Variants in SNAP91 observed in about 807,000 individuals in gnomAD.
SNAP91 encodes the protein synaptosome associated protein 91, also known as clathrin coat assembly protein AP180.
In SNAP91, 27 loss-of-function variants were observed where a neutral mutation model predicts 100.3. The ratio of observed to expected loss-of-function variants is 0.27; its 90% CI spans 0.20 to 0.37. The LOEUF is 0.37. Ranked by LOEUF, SNAP91 falls within the 10% of genes least tolerant of loss-of-function variation. SNAP91 has a pLI of 1.00. For missense variants in SNAP91, 986 were observed against 1,123.7 expected, an observed-to-expected ratio of 0.88 and a Z score of 1.75; for synonymous variants, 404 against 398.6, an observed-to-expected ratio of 1.01 and a Z score of -0.16.
At chr6:83,672,926 G>A (rs1390560039) in intron 2 of SNAP91, among the ~76,000 whole-genome samples, 1 of 151,864 alleles carries the variant, frequency 6.6e-6, no homozygotes, top group Non-Finnish European at 1.5e-5. Flanking sequence ...ATTTTCCTTT[G>A]CACAAATGTC....
intron 10 of SNAP91, among the ~76,000 whole-genome samples, 171 bp downstream of exon 10, chr6:83,616,798 C>A (rs754366175): frequency 1.3e-5 from 2 of 152,080 alleles, no homozygotes; most frequent in Non-Finnish European, 2.9e-5. Context: ...ATTGTCTATA[C>A]CCACTGTCAT....
intron 17 of SNAP91, 59 bp downstream of exon 17, chr6:83,594,315 T>A: frequency 7.6e-7 from 1 of 1,312,828 alleles, no homozygotes; most frequent in Non-Finnish European, 1.1e-6. Context: ...CTCTTCTAAC[T>A]ACGGGGGTTT....
intron 8 of SNAP91, among the ~76,000 whole-genome samples, chr6:83,629,432 G>A (rs202001175): frequency 6.6e-6 from 1 of 151,988 alleles, no homozygotes; most frequent in Non-Finnish European, 1.5e-5. Flanking sequence ...TGCATTGAAT[G>A]TGTAGATTGC....
intron 1 of SNAP91, 184 bp from the exon 2 acceptor site, chr6:83,708,141 C>T (rs530804341): frequency 1.9e-6 from 1 of 518,338 alleles, no homozygotes; most frequent in South Asian, 3.0e-5. Flanking sequence ...GAGTCTTGGC[C>T]GTGAGTAGGG....
intron 11 of SNAP91, 118 bp downstream of exon 11, chr6:83,614,739 G>T: frequency 1.4e-6 from 1 of 714,318 alleles, no homozygotes; most frequent in Non-Finnish European, 2.2e-6. Context: ...ACACAGATGT[G>T]TAAAAGGGAC....
At chr6:83,632,194 G>A (rs1451067370) in intron 8 of SNAP91, among the ~76,000 whole-genome samples, 8 of 152,106 alleles carry the variant, frequency 5.3e-5, no homozygotes, top group Admixed American at 5.2e-4. Context: ...CTTCTAGCTT[G>A]TAGGGTTTCT....
chr6:83,596,773 A>T (rs568069974), intron 16 of SNAP91, among the ~76,000 whole-genome samples: 44 of 151,936 alleles, frequency 2.9e-4, no homozygotes, highest in Middle Eastern at 3.4e-3. Flanking sequence ...TTTTTTTTTT[A>T]AAAAGTCTGA....
At chr6:83,601,729 A>G in intron 14 of SNAP91, 130 bp from the exon 15 acceptor site, 1 of 801,742 alleles carries the variant, frequency 1.2e-6, no homozygotes, top group Non-Finnish European at 2.1e-6. Flanking sequence ...CTTCTACACC[A>G]TTTGCAATTA....
At chr6:83,592,855 A>C in intron 20 of SNAP91, 91 bp downstream of exon 20, 1 of 936,066 alleles carries the variant, frequency 1.1e-6, no homozygotes, top group Non-Finnish European at 1.6e-6. Flanking sequence ...AATTTAAAAG[A>C]ACTCAAGAAA....
chr6:83,588,126 A>G (rs1457770356), intron 22 of SNAP91, among the ~76,000 whole-genome samples: 2 of 152,138 alleles, frequency 1.3e-5, no homozygotes, highest in East Asian at 3.8e-4. Flanking sequence ...ACTGCATCCA[A>G]CCCCTTATAT....
intron 9 of SNAP91, among the ~76,000 whole-genome samples, chr6:83,617,312 C>T (rs2096538004): frequency 6.6e-6 from 1 of 152,022 alleles, no homozygotes; most frequent in African/African-American, 2.4e-5. Context: ...TTTACTAATA[C>T]ATTACTTATA....
At chr6:83,646,595 G>A (rs1291713445) in intron 7 of SNAP91, among the ~76,000 whole-genome samples, 2 of 152,056 alleles carry the variant, frequency 1.3e-5, no homozygotes, top group Non-Finnish European at 1.5e-5. Flanking sequence ...ACAATATCTT[G>A]ATTACTGTAG....
At chr6:83,614,835 A>G in intron 11 of SNAP91, 22 bp downstream of exon 11, 1 of 1,559,766 alleles carries the variant, frequency 6.4e-7, no homozygotes. Context: ...AATGCAAAAA[A>G]CTCACTCCAT....
At chr6:83,642,759 T>C (rs184398775) in intron 7 of SNAP91, among the ~76,000 whole-genome samples, 264 of 152,246 alleles carry the variant, frequency 1.7e-3, no homozygotes, top group African/African-American at 5.2e-3. Context: ...CCTGAGGAAT[T>C]GCCACACTGT....
chr6:83,574,597 T>C (rs925222855), intron 26 of SNAP91, among the ~76,000 whole-genome samples: 1 of 152,064 alleles, frequency 6.6e-6, no homozygotes, highest in African/African-American at 2.4e-5. Flanking sequence ...TATGATAAGA[T>C]AGATAAAATG....
At chr6:83,606,320 A>G (rs757045516) in intron 13 of SNAP91, among the ~76,000 whole-genome samples, 8 of 152,220 alleles carry the variant, frequency 5.3e-5, no homozygotes, top group Non-Finnish European at 1.0e-4. Flanking sequence ...TCTTTTTCCT[A>G]CGTTAGACTA....
At chr6:83,643,752 A>G (rs1422567616) in intron 7 of SNAP91, among the ~76,000 whole-genome samples, 1 of 152,202 alleles carries the variant, frequency 6.6e-6, no homozygotes, top group Non-Finnish European at 1.5e-5. Context: ...TTCTGTTGAC[A>G]GTCTTTGGGT....
rs1377997771 is a variant in SNAP91, at chr6:83,616,543, A to T, written c.878+426T>A. On this transcript the variant is annotated intron_variant, in intron 10 of 29. Coordinates refer to ENST00000369694, the MANE Select transcript of SNAP91 (RefSeq NM_001242792.2). ...TTCAAGTAGGGAGATACTGGAGTCCAAAAAACTATACTTGAGGGCTTTTCT... is the reference window on the plus strand; with the variant it reads ...TTCAAGTAGGGAGATACTGGAGTCCTAAAAACTATACTTGAGGGCTTTTCT... Among the ~76,000 whole-genome samples, 11 of 152,148 alleles carry T rather than the reference A, an allele frequency of 7.2e-5. 1 individual carries two copies. The highest frequency in any genetic ancestry group is 1.6e-4 in the Non-Finnish European group (11 of 68,020).
chr6:83,705,062 A>G (rs1217879649), intron 2 of SNAP91, among the ~76,000 whole-genome samples: 1 of 152,232 alleles, frequency 6.6e-6, no homozygotes, highest in African/African-American at 2.4e-5. Flanking sequence ...AATAATGCAT[A>G]TAACATATAC....
Sources: gnomAD v4.1 joint callset for allele counts (sites outside exome capture counted in the v4.1 genomes callset) on GRCh38, gnomAD v4.1.1 for gene constraint, MANE v1.5 for transcripts, NCBI Gene and HGNC (gene_info 2026-07-23, HGNC 2026-07-21) for gene names.